The following TUBGCP3 variants were observed in gnomAD, a reference collection of about 807,000 sequenced individuals.
The protein encoded by TUBGCP3 is gamma-tubulin complex component 3.
TUBGCP3 carries 50 observed loss-of-function variants against 123.1 expected under a neutral mutation model. The observed-to-expected ratio is 0.41, with a 90% CI of 0.32 to 0.51. The LOEUF (loss-of-function observed/expected upper bound fraction) is 0.51, where lower values mean the gene tolerates loss of function less well. TUBGCP3 is among the 20% of genes least tolerant of loss of function. The pLI is 0.36. For missense variants in TUBGCP3, 882 were observed against 1,127.0 expected, an observed-to-expected ratio of 0.78 and a Z score of 3.11; for synonymous variants, 405 against 413.9, an observed-to-expected ratio of 0.98 and a Z score of 0.26.
rs760942373 is a variant in TUBGCP3 at position 112,545,902 on chromosome 13, C to T, written c.1169-37G>A. 1 of 1,601,712 alleles carries T rather than the reference C, an allele frequency of 6.2e-7. No individual in the cohort carries two copies. Among genetic ancestry groups the T allele is most frequent in the Admixed American group, 1.7e-5 (1 of 59,866 alleles). On this transcript the variant is annotated intron_variant, in intron 10 of 21. Coordinates refer to ENST00000261965, the MANE Select transcript of TUBGCP3 (RefSeq NM_006322.6). This position sits in a 1 kb window ranked among gnomAD's most constrained non-coding sequence, Gnocchi z 4.1. Reference sequence around the variant, plus strand: ...GGAGGAAAATACACAAAAACATCCACATTTACACTCATAGTACACACCAGT... The same window carrying T: ...GGAGGAAAATACACAAAAACATCCATATTTACACTCATAGTACACACCAGT...
chr13:112,556,253 A>G lies in TUBGCP3; in HGVS notation c.549-29T>C, dbSNP rs757351576. ...AAAAAAGAAACATGTATTATCTTCT[A>G]ATAGGCTATTCGCTGAAGAGACAAA... On this transcript the variant is annotated intron_variant, in intron 5 of 21. Transcript: ENST00000261965. 4.7e-5 allele frequency: 75 copies of G among 1,599,368 alleles called. 1 individual carries two copies. Among genetic ancestry groups the G allele is most frequent in the Admixed American group, 3.7e-4 (22 of 59,424 alleles).
At chr13:112,534,831 G>A (rs1877910407) in intron 11 of TUBGCP3, among the ~76,000 whole-genome samples, 1 of 152,116 alleles carries the variant, frequency 6.6e-6, no homozygotes, top group Non-Finnish European at 1.5e-5. Context: ...CAACTTAGTG[G>A]CTTCTAGTAT....
chr13:112,522,183 T>C (rs1018112037), intron 14 of TUBGCP3, 137 bp downstream of exon 14: 1 of 916,914 alleles, frequency 1.1e-6, no homozygotes, highest in African/African-American at 1.7e-5. Flanking sequence ...TTTTACATTC[T>C]TTTCAGATTT....
At chr13:112,565,847 A>G (rs992032789) in intron 2 of TUBGCP3, among the ~76,000 whole-genome samples, 22 of 151,982 alleles carry the variant, frequency 1.4e-4, no homozygotes, top group African/African-American at 5.1e-4. Context: ...AGGCAGGTGA[A>G]TGGCATGAAC....
intron 17 of TUBGCP3, among the ~76,000 whole-genome samples, chr13:112,512,427 C>CAAAAA (rs35550857): frequency 2.5e-5 from 1 of 39,476 alleles, no homozygotes; most frequent in African/African-American, 9.4e-5. Context: ...GACTCTGTCT[C>CAAAAA]AAAAAAAAAA....
chr13:112,530,766 G>C (rs534217081), intron 11 of TUBGCP3, among the ~76,000 whole-genome samples: 3 of 152,102 alleles, frequency 2.0e-5, no homozygotes, highest in Non-Finnish European at 4.4e-5. Flanking sequence ...TTATTTACTT[G>C]AACAAGTTGA....
At chr13:112,502,807 A>T (rs1490118978) in intron 19 of TUBGCP3, among the ~76,000 whole-genome samples, 1 of 151,948 alleles carries the variant, frequency 6.6e-6, no homozygotes, top group Non-Finnish European at 1.5e-5. Flanking sequence ...AGCCTCCCAA[A>T]GTGCTGGGAT....
In TUBGCP3 at chr13:112,583,648, G is replaced by A. The variant is rs186882794; in HGVS notation, c.76+4257C>T. On this transcript the variant is annotated intron_variant, in intron 1 of 21. Transcript: ENST00000261965. The stretch of plus-strand genomic sequence containing the variant: ...AATAAATTCGACTCAAGTGAATACA[G>A]AAACTCCACAGTTGTGTGTTTCTCA... Among the ~76,000 whole-genome samples the A allele has an allele frequency of 2.2e-3, 338 of 152,342 alleles. 2 individuals are homozygous for A. The highest frequency in any genetic ancestry group is 7.7e-3 in the African/African-American group (322 of 41,588).
At chr13:112,575,941 G>A (rs1881774297) in intron 1 of TUBGCP3, among the ~76,000 whole-genome samples, 1 of 152,172 alleles carries the variant, frequency 6.6e-6, no homozygotes, top group African/African-American at 2.4e-5. Flanking sequence ...CCTGCAACCT[G>A]CAGTCAGCCC....
intron 4 of TUBGCP3, among the ~76,000 whole-genome samples, chr13:112,558,740 G>C (rs1245142986): frequency 6.6e-6 from 1 of 152,120 alleles, no homozygotes; most frequent in Non-Finnish European, 1.5e-5. Context: ...CATCTATATG[G>C]TTTACATGTA....
chr13:112,505,781 G>A (rs368137089), intron 17 of TUBGCP3, among the ~76,000 whole-genome samples: 3 of 152,284 alleles, frequency 2.0e-5, no homozygotes, highest in African/African-American at 7.2e-5. Context: ...TTGTATGAAC[G>A]CTGTCTGAAG....
At chr13:112,547,899 C>T (rs979743602) in intron 9 of TUBGCP3, 147 bp from the exon 10 acceptor site, 38 of 1,102,332 alleles carry the variant, frequency 3.4e-5, no homozygotes, top group Middle Eastern at 6.5e-4. Context: ...TATTTTAAAG[C>T]TACCTTTAAC....
chr13:112,587,755 C>T (rs2139350701), intron 1 of TUBGCP3, 150 bp downstream of exon 1: 2 of 612,512 alleles, frequency 3.3e-6, no homozygotes, highest in East Asian at 3.5e-5. Flanking sequence ...TCCGCTCCCT[C>T]GTCCGGGCCC....
intron 3 of TUBGCP3, 21 bp from the exon 4 acceptor site, chr13:112,559,420 A>G (rs1351773096): frequency 1.3e-6 from 2 of 1,582,460 alleles, no homozygotes; most frequent in East Asian, 2.3e-5. Flanking sequence ...AAAAGTTAAT[A>G]TTAAAAGAAC....
intron 3 of TUBGCP3, among the ~76,000 whole-genome samples, chr13:112,562,442 G>A (rs1470033492): frequency 6.6e-6 from 1 of 152,236 alleles, no homozygotes; most frequent in East Asian, 1.9e-4. Context: ...CTCAGGAGCT[G>A]TGGTCACAGC....
chr13:112,593,640 T>C, the TUBGCP3 span, among the ~76,000 whole-genome samples: 2 of 151,628 alleles, frequency 1.3e-5, no homozygotes, highest in Non-Finnish European at 2.9e-5. Context: ...GCCACTGCAC[T>C]CCAGCCTGGG....
At chr13:112,596,599 C>G in the TUBGCP3 span, among the ~76,000 whole-genome samples, 3 of 151,964 alleles carry the variant, frequency 2.0e-5, no homozygotes, top group Admixed American at 2.0e-4. Context: ...GTTTGTTCAG[C>G]TTCTTGAATC....
intron 19 of TUBGCP3, among the ~76,000 whole-genome samples, chr13:112,499,568 A>AAAGAATAG (rs2139214057): frequency 6.6e-6 from 1 of 152,326 alleles, no homozygotes; most frequent in South Asian, 2.1e-4. Context: ...AAGATTGAAA[A>AAAGAATAG]AAGAATAGGA....
At chr13:112,528,473 G>A (rs140437515) in intron 11 of TUBGCP3, among the ~76,000 whole-genome samples, 3 of 152,252 alleles carry the variant, frequency 2.0e-5, no homozygotes, top group East Asian at 1.9e-4. Context: ...AAATGAAGCC[G>A]AGCATATTTT....
Sources: gnomAD v4.1 joint callset for allele counts (sites outside exome capture counted in the v4.1 genomes callset) on GRCh38, gnomAD v4.1.1 for gene constraint, Gnocchi (gnomAD v3.1) non-coding constraint, MANE v1.5 for transcripts, NCBI Gene and HGNC (gene_info 2026-07-23, HGNC 2026-07-21) for gene names.